FMN1: variants seen among roughly 807,000 people sequenced by gnomAD.
FMN1 encodes formin 1.
In FMN1, 110 loss-of-function variants were observed where a neutral mutation model predicts 132.4. The ratio of observed to expected loss-of-function variants is 0.83; its 90% CI spans 0.71 to 0.97. The LOEUF (loss-of-function observed/expected upper bound fraction) is 0.97, where lower values mean the gene tolerates loss of function less well. Among genes scored for constraint, FMN1 ranks in the 50% least tolerant of loss-of-function variants. The probability of loss-of-function intolerance (pLI) is 0.00; values close to 1 mark genes in which losing one functional copy is unlikely to be tolerated. For missense variants in FMN1, 1,792 were observed against 1,705.3 expected, an observed-to-expected ratio of 1.05 and a Z score of -0.90; for synonymous variants, 722 against 651.7, an observed-to-expected ratio of 1.11 and a Z score of -1.64.
intron 19 of FMN1, among the ~76,000 whole-genome samples, chr15:32,783,536 G>T (rs571797764): frequency 6.6e-6 from 1 of 152,028 alleles, no homozygotes; most frequent in Non-Finnish European, 1.5e-5. Flanking sequence ...CATGAAGTCA[G>T]ATCGAAACCA....
intron 7 of FMN1, among the ~76,000 whole-genome samples, chr15:33,002,361 C>A (rs1205795025): frequency 6.6e-6 from 1 of 152,216 alleles, no homozygotes; most frequent in East Asian, 1.9e-4. Context: ...TCACTATCTT[C>A]CACTAGGTCT....
chr15:32,849,336 A>AT (rs2058948092), intron 17 of FMN1, among the ~76,000 whole-genome samples: 1 of 151,660 alleles, frequency 6.6e-6, no homozygotes, highest in East Asian at 1.9e-4. Flanking sequence ...GGTAGTATTC[A>AT]TTTTTTGCTT....
chr15:33,153,737 T>A lies in FMN1; in HGVS notation c.1178A>T (p.Asp393Val). The A allele has an allele frequency of 6.5e-7, 1 of 1,536,180 alleles. No individual in the cohort carries two copies. The highest frequency in any genetic ancestry group is 8.7e-7 in the Non-Finnish European group (1 of 1,146,924). The change falls in exon 4 of 21, where the codon GAT becomes GTT. Residue 393 changes from aspartate to valine, a missense_variant. Coordinates refer to ENST00000616417, the MANE Select transcript of FMN1 (RefSeq NM_001277313.2). ...SRRQGKERQG[D>V]RSSQSPAGET... ...CCCGGCTGGCGACTGCGATGACCTA[T>A]CCCCTTGCCGCTCCTTGCCCTGCCG... is the stretch of plus-strand genomic sequence containing the variant.
At chr15:32,934,468 G>A (rs113775453) in intron 9 of FMN1, among the ~76,000 whole-genome samples, 135 of 151,968 alleles carry the variant, frequency 8.9e-4, no homozygotes, top group African/African-American at 3.2e-3. Flanking sequence ...GCTATGTCAT[G>A]CCCTTTTCAT....
chr15:32,785,218 ATTTTTTT>A lies in FMN1; in HGVS notation c.4131-8306_4131-8300del, dbSNP rs1230723314. 9.7e-3 allele frequency among the ~76,000 whole-genome samples: 378 copies of A among 39,056 alleles called. 11 individuals carry two copies. The highest frequency in any genetic ancestry group is 0.039 in the African/African-American group (324 of 8,366). 25.6% of individuals were successfully genotyped at this position (39,056 alleles called of 152,430 possible). A position where few individuals can be genotyped will look rare whatever the true frequency, so the allele number is the denominator to read the frequency against. On this transcript the variant is annotated intron_variant, in intron 19 of 20. Transcript: ENST00000616417. Reference sequence around the variant, plus strand: ...TGTGTGTGTATATATATATATATATATTTTTTTTTTTTTTTTTTTGTAGAGATGAGGT... The same window carrying A: ...TGTGTGTGTATATATATATATATATATTTTTTTTTTTTGTAGAGATGAGGT...
chr15:32,829,690 C>T (rs1271708568), intron 17 of FMN1, among the ~76,000 whole-genome samples: 1 of 152,170 alleles, frequency 6.6e-6, no homozygotes. Context: ...CTTACAAAAG[C>T]AATAAGGATT....
chr15:33,149,853 C>T, intron 4 of FMN1: 3 of 983,028 alleles, frequency 3.1e-6, no homozygotes, highest in Non-Finnish European at 3.6e-6. Context: ...TATTTACTTC[C>T]CATAATGTAT....
intron 17 of FMN1, chr15:32,811,142 A>G (rs755828834): frequency 1.1e-5 from 5 of 454,850 alleles, no homozygotes; most frequent in South Asian, 6.2e-5. Flanking sequence ...AAAACAACAG[A>G]TATTTGGAAC....
rs534225817 is a variant in FMN1, at chr15:32,969,233, G to A, written c.2468C>T (p.Thr823Ile). The A allele has an allele frequency of 2.0e-5, 33 of 1,613,914 alleles. No homozygotes were observed. The South Asian group carries it at 3.5e-4, about 17-fold the overall frequency. Residue 823 changes from threonine (T) to isoleucine (I), a missense_variant, in exon 8 of 21, where the codon ACC becomes ATC. Physicochemically the swap from Thr to Ile is moderately conservative, Grantham distance 89 (BLOSUM62 -1). Coordinates refer to ENST00000616417, the MANE Select transcript of FMN1 (RefSeq NM_001277313.2). ...TTTGGGTACTAATTGATTACTTCTG[G>A]TTGTCTTGCTTTCACTTTCACAGGG... ...LKPCESESKT[T>I]RSNQLVPKKL...
rs377621176 is a variant in FMN1 at position 32,969,004 on chromosome 15, A to G, written c.2697T>C (p.Ala899=). The G allele has an allele frequency of 8.3e-4, 994 of 1,201,482 alleles. 4 individuals are homozygous for G. In the African/African-American group the frequency reaches 9.8e-3, roughly 12 times the overall value. 74.4% of individuals were successfully genotyped at this position (1,201,482 alleles called of 1,614,324 possible). A position where few individuals can be genotyped will look rare whatever the true frequency, so the allele number is the denominator to read the frequency against. ...GAGGCGGAGGTGGTAGCGGTGGCCC[A>G]GCACTCACAGGTGGCATTGGAGGTG... ...SPAPPMPPVS[A]GPPLPPPPPP... The change falls in exon 8 of 21, where the codon GCT becomes GCC. Residue 899 remains alanine (A), a synonymous_variant. Transcript: ENST00000616417.
chr15:32,783,040 G>A (rs960538731), intron 19 of FMN1, among the ~76,000 whole-genome samples: 3 of 151,956 alleles, frequency 2.0e-5, no homozygotes. Context: ...AATCTACTGG[G>A]TACAAGGTTC....
intron 5 of FMN1, among the ~76,000 whole-genome samples, chr15:33,086,534 T>C (rs910882366): frequency 6.6e-6 from 1 of 152,052 alleles, no homozygotes; most frequent in Non-Finnish European, 1.5e-5. Context: ...AAACCAGAAA[T>C]ACACAGTTTA....
chr15:32,927,236 C>T (rs2060984170), intron 9 of FMN1, among the ~76,000 whole-genome samples: 1 of 152,130 alleles, frequency 6.6e-6, no homozygotes, highest in Non-Finnish European at 1.5e-5. Context: ...TAATACCTTG[C>T]ACACAAAGCT....
At chr15:33,037,153 C>G (rs2036227758) in intron 6 of FMN1, among the ~76,000 whole-genome samples, 1 of 152,188 alleles carries the variant, frequency 6.6e-6, no homozygotes, top group African/African-American at 2.4e-5. Context: ...ACAGAACTCA[C>G]AGTTCTTTCT....
chr15:32,890,364 A>G (rs1334390143), intron 15 of FMN1, among the ~76,000 whole-genome samples: 1 of 152,174 alleles, frequency 6.6e-6, no homozygotes, highest in African/African-American at 2.4e-5. Context: ...TTCCATACTG[A>G]CTGTACAAGT....
chr15:32,907,997 T>C (rs146449337), intron 12 of FMN1, among the ~76,000 whole-genome samples: 741 of 152,078 alleles, frequency 4.9e-3, no homozygotes, highest in Non-Finnish European at 7.8e-3. Context: ...AAAACAAGCA[T>C]GTACAGAGTG....
At chr15:33,134,799 C>T (rs886727483) in intron 4 of FMN1, among the ~76,000 whole-genome samples, 1 of 152,198 alleles carries the variant, frequency 6.6e-6, no homozygotes, top group African/African-American at 2.4e-5. Flanking sequence ...GTCAGATGTT[C>T]AAGACCAGCC....
intron 3 of FMN1, among the ~76,000 whole-genome samples, chr15:33,158,444 G>GAA (rs369928639): frequency 8.8e-5 from 13 of 147,720 alleles, no homozygotes; most frequent in Admixed American, 2.7e-4. Context: ...TAAAAAAAAA[G>GAA]AAAAAAAAAA....
chr15:33,188,456 T>A (rs150405261), intron 2 of FMN1, among the ~76,000 whole-genome samples: 115 of 152,314 alleles, frequency 7.6e-4, no homozygotes, highest in African/African-American at 2.6e-3. Flanking sequence ...TCTTAGACTA[T>A]ATCTCCCTTT....
Sources: allele counts gnomAD v4.1 joint callset (sites outside exome capture counted in the v4.1 genomes callset), GRCh38; gene constraint gnomAD v4.1.1; transcripts MANE v1.5; gene names NCBI Gene and HGNC (gene_info 2026-07-23, HGNC 2026-07-21).